FOXJ3: variants seen among roughly 807,000 people sequenced by gnomAD.
FOXJ3 encodes forkhead box protein J3.
Under a neutral mutation model 76.1 loss-of-function variants are expected in FOXJ3, and 22 were observed. The ratio of observed to expected loss-of-function variants is 0.29; its 90% CI spans 0.21 to 0.41. FOXJ3 has a LOEUF of 0.41. FOXJ3 is among the 10% of genes least tolerant of loss of function. The probability of loss-of-function intolerance (pLI) is 1.00; values close to 1 mark genes in which losing one functional copy is unlikely to be tolerated. For synonymous variants in FOXJ3, 269 were observed against 261.2 expected (o/e 1.03, Z -0.29); for missense variants, 613 against 762.1 (o/e 0.80, Z 2.30).
intron 2 of FOXJ3, among the ~76,000 whole-genome samples, chr1:42,308,581 C>T (rs1055017505): frequency 5.9e-5 from 9 of 151,864 alleles, no homozygotes; most frequent in Non-Finnish European, 7.4e-5. Context: ...ATCATGACTC[C>T]GAATGCCGTA....
At chr1:42,331,921 A>T (rs1414534675) in intron 1 of FOXJ3, among the ~76,000 whole-genome samples, 1 of 152,190 alleles carries the variant, frequency 6.6e-6, no homozygotes, top group African/African-American at 2.4e-5. Context: ...TTTTTAAGGA[A>T]ATACTAATAA....
intron 5 of FOXJ3, among the ~76,000 whole-genome samples, chr1:42,224,952 T>C (rs1001810083): frequency 6.6e-6 from 1 of 151,420 alleles, no homozygotes. Context: ...CTGGGCGTGG[T>C]GGTAGTCCCA....
intron 4 of FOXJ3, among the ~76,000 whole-genome samples, chr1:42,236,674 G>A (rs936485178): frequency 5.3e-5 from 8 of 152,028 alleles, no homozygotes; most frequent in African/African-American, 1.7e-4. Context: ...CCTTTCCTTA[G>A]CCTTCTCTCA....
intron 3 of FOXJ3, among the ~76,000 whole-genome samples, chr1:42,268,609 T>C (rs932497780): frequency 6.6e-6 from 1 of 152,088 alleles, no homozygotes; most frequent in African/African-American, 2.4e-5. Context: ...ATTACGGAGT[T>C]TGGAACCATG....
chr1:42,189,255 A>T, intron 10 of FOXJ3, 48 bp downstream of exon 10: 1 of 1,125,804 alleles, frequency 8.9e-7, no homozygotes, highest in South Asian at 1.3e-5. Flanking sequence ...TAGCAGAGAA[A>T]CAGGATCATG....
At chr1:42,246,631 TAA>T (rs758386607) in intron 4 of FOXJ3, among the ~76,000 whole-genome samples, 4 of 136,826 alleles carry the variant, frequency 2.9e-5, no homozygotes, top group African/African-American at 5.4e-5. Flanking sequence ...TGTTGCTTTC[TAA>T]AAAAAAAAAA....
chr1:42,184,421 A>T (rs1347290243), intron 11 of FOXJ3, among the ~76,000 whole-genome samples: 1 of 152,158 alleles, frequency 6.6e-6, no homozygotes, highest in Non-Finnish European at 1.5e-5. Context: ...CTGTAATTCC[A>T]TCATATGCGT....
At chr1:42,278,259 T>C in intron 3 of FOXJ3, 89 bp downstream of exon 3, 1 of 976,078 alleles carries the variant, frequency 1.0e-6, no homozygotes, top group Non-Finnish European at 1.5e-6. Context: ...TCATATTCAA[T>C]TACATGAGCA....
At chr1:42,274,732 T>G (rs1406386266) in intron 3 of FOXJ3, among the ~76,000 whole-genome samples, 1 of 151,972 alleles carries the variant, frequency 6.6e-6, no homozygotes, top group East Asian at 1.9e-4. Flanking sequence ...AAACAAAAAC[T>G]AATGAAACAA....
chr1:42,225,882 G>A (rs1393482481), intron 5 of FOXJ3, among the ~76,000 whole-genome samples: 1 of 152,244 alleles, frequency 6.6e-6, no homozygotes, highest in East Asian at 1.9e-4. Context: ...AAAATAGGGA[G>A]GGATTGCTTT....
At chr1:42,329,280 A>G (rs895451621) in intron 1 of FOXJ3, among the ~76,000 whole-genome samples, 1 of 152,260 alleles carries the variant, frequency 6.6e-6, no homozygotes, top group African/African-American at 2.4e-5. Context: ...TGATCTGGTT[A>G]TAACAAATTC....
intron 2 of FOXJ3, among the ~76,000 whole-genome samples, chr1:42,283,542 T>A (rs1211702724): frequency 6.6e-6 from 1 of 152,052 alleles, no homozygotes; most frequent in Non-Finnish European, 1.5e-5. Context: ...TGGGTACAGA[T>A]AAAAGAAAAT....
intron 4 of FOXJ3, among the ~76,000 whole-genome samples, chr1:42,250,514 T>A (rs1649938898): frequency 6.6e-6 from 1 of 152,102 alleles, no homozygotes; most frequent in Non-Finnish European, 1.5e-5. Flanking sequence ...TACCTATGCA[T>A]ATACACAAGA....
At chr1:42,239,606 A>G (rs774000994) in intron 4 of FOXJ3, among the ~76,000 whole-genome samples, 2 of 152,208 alleles carry the variant, frequency 1.3e-5, no homozygotes, top group Non-Finnish European at 2.9e-5. Context: ...AAACTAAAAC[A>G]AAAGTACCTA....
At chr1:42,324,516 TAAC>T (rs1459305639) in intron 1 of FOXJ3, among the ~76,000 whole-genome samples, 2 of 151,866 alleles carry the variant, frequency 1.3e-5, no homozygotes, top group Non-Finnish European at 1.5e-5. Context: ...ATGCATCGCT[TAAC>T]AACAGGGATA....
At position 42,199,963 on chromosome 1, in the gene FOXJ3, C is replaced by T. The variant is rs148698675; in HGVS notation, c.631-733G>A. Among the ~76,000 whole-genome samples, 1,078 of 132,672 alleles carry T rather than the reference C, an allele frequency of 8.1e-3. 8 individuals carry two copies. Among genetic ancestry groups the T allele is most frequent in the Non-Finnish European group, 0.012 (765 of 65,392 alleles). The allele number at this position is 132,672 out of a possible 152,430, so 87.0% of individuals were successfully genotyped here. ...GCCTATTTGCAGTGAGCCAAGATCA[C>T]GCCACTGCACTCCAGCCTGGTGACA... On this transcript the variant is annotated intron_variant, in intron 6 of 12. Transcript: ENST00000361346.
intron 9 of FOXJ3, 70 bp from the exon 10 acceptor site, chr1:42,189,474 A>G: frequency 9.4e-7 from 1 of 1,067,578 alleles, no homozygotes; most frequent in Admixed American, 1.9e-5. Flanking sequence ...GAAAACGATG[A>G]GCTGCCCTTA....
rs1257002925 is a variant in FOXJ3 at position 42,188,821 on chromosome 1, G to A, written c.1561C>T (p.Leu521Phe). Reference sequence around the variant, plus strand: ...TGAACATTACTCTGTGAATGTATAAGGCCAGTTTGTGTAAAGAACTGATTA... The same window carrying A: ...TGAACATTACTCTGTGAATGTATAAAGCCAGTTTGTGTAAAGAACTGATTA... ...SLNQFFTQTG[L>F]IHSQSNVQQN... The change falls in exon 11 of 13, where the codon CTT (leucine) becomes TTT (phenylalanine). Residue 521 changes from leucine (L) to phenylalanine (F), a missense_variant. Physicochemically the swap from Leu to Phe is conservative, Grantham distance 22. Transcript: ENST00000361346. The A allele has an allele frequency of 6.2e-7, 1 of 1,613,108 alleles. No homozygotes were observed. Among genetic ancestry groups the A allele is most frequent in the African/African-American group, 1.3e-5 (1 of 74,888 alleles).
intron 2 of FOXJ3, among the ~76,000 whole-genome samples, chr1:42,287,349 TAA>T (rs1460891853): frequency 6.6e-6 from 1 of 151,448 alleles, no homozygotes; most frequent in East Asian, 1.9e-4. Context: ...TAAAAAAAAA[TAA>T]AAGTTTTAAC....
Sources: gnomAD v4.1 joint callset for allele counts (sites outside exome capture counted in the v4.1 genomes callset) on GRCh38, gnomAD v4.1.1 for gene constraint, MANE v1.5 for transcripts, NCBI Gene and HGNC (gene_info 2026-07-23, HGNC 2026-07-21) for gene names.